Variants in OLFML2B observed in about 807,000 individuals in gnomAD.
OLFML2B encodes the protein olfactomedin-like protein 2B.
OLFML2B carries 57 observed loss-of-function variants against 74.9 expected under a neutral mutation model. The observed-to-expected ratio is 0.76, with a 90% CI of 0.61 to 0.95. The LOEUF (loss-of-function observed/expected upper bound fraction) is 0.95. Among genes scored for constraint, OLFML2B ranks in the 40% least tolerant of loss-of-function variants. OLFML2B has a pLI of 0.00. For synonymous variants in OLFML2B, 388 were observed against 405.8 expected (o/e 0.96, Z 0.53); for missense variants, 986 against 970.6 (o/e 1.02, Z -0.21).
rs758381362 is a variant in OLFML2B at position 161,984,128 on chromosome 1, C to A, written c.1800G>T (p.Met600Ile). Reference sequence around the variant, plus strand: ...CCTCCTCGTAGGCCACGTCATGCAGCATGGCCCAGGCAGCCACGTAGCGCT... The same window carrying A: ...CCTCCTCGTAGGCCACGTCATGCAGAATGGCCCAGGCAGCCACGTAGCGCT... ...LKQRYVAAWA[M>I]LHDVAYEEAT... Residue 600 changes from methionine to isoleucine, a missense_variant, in exon 8 of 8, where the codon ATG becomes ATT. Physicochemically the swap from Met to Ile is conservative, Grantham distance 10. Transcript: ENST00000294794. 1 of 1,611,118 alleles carries A rather than the reference C, an allele frequency of 6.2e-7. No individual in the cohort carries two copies. Among genetic ancestry groups the A allele is most frequent in the African/African-American group, 1.3e-5 (1 of 75,014 alleles).
At chr1:161,998,628 C>T (rs1035707153) in intron 5 of OLFML2B, among the ~76,000 whole-genome samples, 2 of 114,546 alleles carry the variant, frequency 1.7e-5, no homozygotes, top group Non-Finnish European at 4.6e-5. Context: ...TCCTGAACCC[C>T]GATGGCTGGG....
chr1:162,001,817 A>T (rs1309593896), intron 4 of OLFML2B, among the ~76,000 whole-genome samples: 2 of 152,204 alleles, frequency 1.3e-5, no homozygotes, highest in African/African-American at 4.8e-5. Flanking sequence ...ATATTTGTTA[A>T]ATTGAATTTC....
intron 3 of OLFML2B, among the ~76,000 whole-genome samples, chr1:162,016,495 T>C (rs1033704107): frequency 2.0e-5 from 3 of 152,206 alleles, no homozygotes; most frequent in Admixed American, 1.3e-4. Context: ...TTTACAGTCA[T>C]TGTGTTATTA....
At chr1:161,998,641 T>A (rs75349041) in intron 5 of OLFML2B, among the ~76,000 whole-genome samples, 1 of 151,720 alleles carries the variant, frequency 6.6e-6, no homozygotes, top group Non-Finnish European at 1.5e-5. Context: ...TGGCTGGGAG[T>A]AAGTGAGTCA....
chr1:161,989,705 G>A (rs2250993), intron 6 of OLFML2B, among the ~76,000 whole-genome samples: 89,547 of 152,044 alleles, frequency 0.59, 27,080 homozygotes, highest in Middle Eastern at 0.69. Context: ...AAGTCTAACA[G>A]TGCAGCCTGT....
Position 161,984,980 on chromosome 1 carries a change from C to T in OLFML2B, c.1475G>A (p.Gly492Glu), listed in dbSNP as rs1689550751. 1 of 1,601,446 alleles carries T rather than the reference C, an allele frequency of 6.2e-7. No individual in the cohort carries two copies. The highest frequency in any genetic ancestry group is 8.5e-7 in the Non-Finnish European group (1 of 1,174,782). Reference sequence around the variant, plus strand: ...TGTGGAGAGAGTGTCCTTGCACCTTCCTGGTGGAGAAGAGGTGGATGGAGG... The same window carrying T: ...TGTGGAGAGAGTGTCCTTGCACCTTTCTGGTGGAGAAGAGGTGGATGGAGG... The part of the protein sequence containing the change: ...EEEDDIRNVI[G>E]RCKDTLSTIT... Residue 492 changes from glycine to glutamate, a missense_variant and splice_region_variant, in exon 7 of 8, where the codon GGA becomes GAA. Coordinates refer to ENST00000294794, the MANE Select transcript of OLFML2B (RefSeq NM_015441.3).
chr1:162,022,710 C>T (rs1690756214), intron 1 of OLFML2B, among the ~76,000 whole-genome samples: 2 of 152,168 alleles, frequency 1.3e-5, no homozygotes, highest in South Asian at 4.1e-4. Flanking sequence ...GCCCTAGCTG[C>T]CTGCATCTGC....
Position 161,984,228 on chromosome 1 carries a change from C to T in OLFML2B, c.1700G>A (p.Gly567Asp). ...GAAGGCGCCATTGTATACCACGTGG[C>T]CTGTGCCGATCCAGCTGTACGGGAG... ...YKLPYSWIGTGHVVYNGAFYY... is the reference protein window; with the variant it reads ...YKLPYSWIGTDHVVYNGAFYY... Residue 567 changes from glycine to aspartate, a missense_variant, in exon 8 of 8, where the codon GGC (glycine) becomes GAC (aspartate). By Grantham distance (94) the Gly-to-Asp change is moderately conservative (BLOSUM62 -1). Coordinates refer to ENST00000294794, the MANE Select transcript of OLFML2B (RefSeq NM_015441.3). 2 of 1,549,132 alleles carry T rather than the reference C, an allele frequency of 1.3e-6. No homozygotes were observed.
rs1255680399 is a variant in OLFML2B, at chr1:162,017,496, G to A, written c.450C>T (p.Ile150=). ...ADSQDLKLST[I]IDMLEGAFYG... ...AGAACGCTCCTTCCAACATGTCTATGATTGTGGAGAGCTATGAAACAAGGC... is the reference window on the plus strand; with the variant it reads ...AGAACGCTCCTTCCAACATGTCTATAATTGTGGAGAGCTATGAAACAAGGC... Residue 150 remains isoleucine, a synonymous_variant, in exon 3 of 8, where the codon ATC becomes ATT. Coordinates refer to ENST00000294794, the MANE Select transcript of OLFML2B (RefSeq NM_015441.3). 6.2e-7 allele frequency: 1 copy of A among 1,611,156 alleles called. No individual in the cohort carries two copies. The highest frequency in any genetic ancestry group is 8.5e-7 in the Non-Finnish European group (1 of 1,178,770).
intron 4 of OLFML2B, among the ~76,000 whole-genome samples, chr1:162,003,891 C>T (rs879791626): frequency 5.9e-5 from 9 of 152,326 alleles, no homozygotes; most frequent in Non-Finnish European, 1.2e-4. Context: ...GGGCCTCCGG[C>T]ACCACTTCCC....
chr1:162,011,991 G>A (rs1690403756), intron 3 of OLFML2B, among the ~76,000 whole-genome samples: 1 of 152,140 alleles, frequency 6.6e-6, no homozygotes, highest in Admixed American at 6.5e-5. Flanking sequence ...CCTGGGAGAG[G>A]TAATATATTG....
At chr1:162,023,195 C>A in intron 1 of OLFML2B, 62 bp downstream of exon 1, 2 of 1,420,322 alleles carry the variant, frequency 1.4e-6, no homozygotes, top group South Asian at 1.6e-5. Context: ...CAGCAAGGAC[C>A]AGCTTCTGGC....
Position 161,997,808 on chromosome 1 carries a change from A to G in OLFML2B, c.1474+17T>C, listed in dbSNP as rs201863476. On this transcript the variant is annotated intron_variant, in intron 6 of 7. Coordinates refer to ENST00000294794, the MANE Select transcript of OLFML2B (RefSeq NM_015441.3). ...CTGAGCTGATCAGGAGACCAAGGCC[A>G]GGTACAATGAACTTACCTATGACAT... is the stretch of plus-strand genomic sequence containing the variant. 3.8e-6 allele frequency: 6 copies of G among 1,596,742 alleles called. No individual in the cohort carries two copies. The African/African-American group carries it at 8.0e-5, about 21-fold the overall frequency.
At chr1:162,002,398 T>C (rs977021703) in intron 4 of OLFML2B, among the ~76,000 whole-genome samples, 1 of 152,174 alleles carries the variant, frequency 6.6e-6, no homozygotes, top group Admixed American at 6.5e-5. Flanking sequence ...GCAGAGCCCA[T>C]GTGGAAACAA....
intron 5 of OLFML2B, 120 bp downstream of exon 5, chr1:161,999,993 A>G: frequency 1.3e-6 from 1 of 751,422 alleles, no homozygotes; most frequent in South Asian, 1.8e-5. Flanking sequence ...GGGCCACAGC[A>G]GTAATTGGAA....
intron 4 of OLFML2B, among the ~76,000 whole-genome samples, chr1:162,005,707 C>T (rs1196150559): frequency 6.6e-6 from 1 of 151,952 alleles, no homozygotes. Flanking sequence ...GCCGCATTTA[C>T]AGAAAATACA....
intron 2 of OLFML2B, among the ~76,000 whole-genome samples, chr1:162,019,493 C>G (rs1248040782): frequency 6.6e-6 from 1 of 152,212 alleles, no homozygotes; most frequent in Non-Finnish European, 1.5e-5. Context: ...ATGACCCAAT[C>G]TAGAGCAGGC....
intron 3 of OLFML2B, among the ~76,000 whole-genome samples, chr1:162,012,654 G>A (rs927838993): frequency 1.3e-5 from 2 of 152,206 alleles, no homozygotes; most frequent in Non-Finnish European, 2.9e-5. Context: ...CACACCAGAA[G>A]GGACAAAGCA....
intron 2 of OLFML2B, among the ~76,000 whole-genome samples, chr1:162,019,379 G>C (rs1187725505): frequency 3.3e-5 from 5 of 152,176 alleles, no homozygotes; most frequent in African/African-American, 1.2e-4. Flanking sequence ...CACGCTGCAA[G>C]GGAAGAGGGG....
Sources: gnomAD v4.1 joint callset for allele counts (sites outside exome capture counted in the v4.1 genomes callset) on GRCh38, gnomAD v4.1.1 for gene constraint, MANE v1.5 for transcripts, NCBI Gene and HGNC (gene_info 2026-07-23, HGNC 2026-07-21) for gene names.